The following PLSCR2 variants were observed in gnomAD, a reference collection of about 807,000 sequenced individuals.
The protein encoded by PLSCR2 is PL scramblase 2.
In PLSCR2, 18 loss-of-function variants were observed where a neutral mutation model predicts 25.3. The ratio of observed to expected loss-of-function variants is 0.71; its 90% CI spans 0.49 to 1.06. The LOEUF is 1.06. Among genes scored for constraint, PLSCR2 ranks in the 50% least tolerant of loss-of-function variants. PLSCR2 has a pLI of 0.00. For synonymous variants in PLSCR2, 88 were observed against 87.3 expected (o/e 1.01, Z -0.04); for missense variants, 243 against 269.5 (o/e 0.90, Z 0.69).
At chr3:146,410,246 G>C (rs1283246707) in intron 2 of PLSCR2, among the ~76,000 whole-genome samples, 1 of 152,176 alleles carries the variant, frequency 6.6e-6, no homozygotes, top group Admixed American at 6.5e-5. Flanking sequence ...AGTAGCCACG[G>C]AGGAACAGAG....
exon 9 of PLSCR2, chr3:146,433,485 A>G (rs1171342136): frequency 6.6e-6 from 1 of 152,142 alleles, no homozygotes; most frequent in Non-Finnish European, 1.5e-5. Flanking sequence ...GATCAGTTAT[A>G]GTTTCATTTT....
chr3:146,430,150 T>C (rs2039497258), downstream of PLSCR2, among the ~76,000 whole-genome samples: 4 of 152,180 alleles, frequency 2.6e-5, no homozygotes. Context: ...AAGAGGGCTG[T>C]AGAGCCACCA....
At chr3:146,417,098 T>G (rs1443609346) in intron 2 of PLSCR2, among the ~76,000 whole-genome samples, 1 of 152,140 alleles carries the variant, frequency 6.6e-6, no homozygotes, top group Non-Finnish European at 1.5e-5. Flanking sequence ...TTAGAATGCA[T>G]CTCTATGGAG....
At chr3:146,412,463 C>T (rs190701871) in intron 2 of PLSCR2, among the ~76,000 whole-genome samples, 1 of 152,286 alleles carries the variant, frequency 6.6e-6, no homozygotes, top group East Asian at 1.9e-4. Context: ...CCAGTGCTTA[C>T]CACTCGTGCC....
chr3:146,479,777 A>G lies in PLSCR2; in HGVS notation c.-293+16118T>C, dbSNP rs1157364124. 7.2e-5 allele frequency among the ~76,000 whole-genome samples: 11 copies of G among 152,224 alleles called. 1 individual carries two copies. On this transcript the variant is annotated intron_variant, in intron 1 of 8. Transcript: ENST00000336685. ...GAACTCTCCACCCCAAATCAGTAGA[A>G]TATACATTCTTCTCAGCACCACATT...
chr3:146,479,427 G>T (rs576145297), intron 1 of PLSCR2, among the ~76,000 whole-genome samples: 9 of 152,132 alleles, frequency 5.9e-5, no homozygotes, highest in Admixed American at 2.0e-4. Flanking sequence ...GCAAAACAAA[G>T]CAGGGGTTGG....
intron 1 of PLSCR2, among the ~76,000 whole-genome samples, chr3:146,470,068 T>C (rs1272033290): frequency 6.6e-6 from 1 of 152,084 alleles, no homozygotes; most frequent in African/African-American, 2.4e-5. Flanking sequence ...GCGGTCGAGA[T>C]TATTTTATCT....
At chr3:146,461,932 G>T (rs562343635), upstream of PLSCR2, 67 of 1,483,698 alleles carry the variant, frequency 4.5e-5, no homozygotes, top group East Asian at 1.6e-3. Flanking sequence ...GGAAAACACA[G>T]CTACAAATAA....
At chr3:146,483,509 A>ATATACATGTGTAT (rs1553791539) in intron 1 of PLSCR2, among the ~76,000 whole-genome samples, 1 of 127,066 alleles carries the variant, frequency 7.9e-6, no homozygotes. Flanking sequence ...ATATATATAT[A>ATATACATGTGTAT]ATGTTACTAC....
At chr3:146,469,589 G>A in intron 1 of PLSCR2, 28 bp from the exon 1 acceptor site, 1 of 985,300 alleles carries the variant, frequency 1.0e-6, no homozygotes, top group South Asian at 4.7e-5. Flanking sequence ...CACACCTGTT[G>A]CACAGCCCTC....
chr3:146,423,252 T>C (rs1450017826), intron 2 of PLSCR2, among the ~76,000 whole-genome samples: 1 of 138,424 alleles, frequency 7.2e-6, no homozygotes, highest in Non-Finnish European at 1.6e-5. Context: ...TCTCTCTCTC[T>C]CTCTCTCTCT....
intron 5 of PLSCR2, among the ~76,000 whole-genome samples, chr3:146,453,505 G>T (rs2041018005): frequency 6.6e-6 from 1 of 151,988 alleles, no homozygotes; most frequent in African/African-American, 2.4e-5. Flanking sequence ...TTAAAGAAGA[G>T]ACCACAGAGA....
At chr3:146,414,967 T>C (rs2038964351) in intron 2 of PLSCR2, among the ~76,000 whole-genome samples, 10 of 152,344 alleles carry the variant, frequency 6.6e-5, no homozygotes, top group Middle Eastern at 3.4e-3. Flanking sequence ...TGCATTTACC[T>C]TCTCATTATC....
chr3:146,418,125 G>GA (rs1479826897), intron 2 of PLSCR2, among the ~76,000 whole-genome samples: 2 of 152,086 alleles, frequency 1.3e-5, no homozygotes, highest in African/African-American at 2.4e-5. Context: ...AATTATGTTT[G>GA]AAAAATACCT....
chr3:146,490,783 G>A (rs539422316), intron 1 of PLSCR2, among the ~76,000 whole-genome samples: 2 of 152,152 alleles, frequency 1.3e-5, no homozygotes, highest in East Asian at 1.9e-4. Context: ...ATATGGTTGG[G>A]TCTTGCTTCT....
At chr3:146,454,068 T>C in exon 5 of PLSCR2, 1 of 1,610,684 alleles carries the variant, frequency 6.2e-7, no homozygotes, top group African/African-American at 1.3e-5. Flanking sequence ...GTACATCCTC[T>C]CTTTTCTGAT....
At chr3:146,473,550 C>G (rs1286412178) in intron 1 of PLSCR2, among the ~76,000 whole-genome samples, 1 of 152,082 alleles carries the variant, frequency 6.6e-6, no homozygotes, top group Non-Finnish European at 1.5e-5. Flanking sequence ...AGGTGATCCA[C>G]CCACCTCGAC....
chr3:146,449,028 C>T (rs111645367), intron 6 of PLSCR2, among the ~76,000 whole-genome samples, 178 bp downstream of exon 6: 1 of 152,042 alleles, frequency 6.6e-6, no homozygotes, highest in Non-Finnish European at 1.5e-5. Flanking sequence ...CATAAACTAA[C>T]CACCTATAAA....
intron 2 of PLSCR2, among the ~76,000 whole-genome samples, chr3:146,397,405 G>C (rs910291801): frequency 6.6e-6 from 1 of 152,024 alleles, no homozygotes; most frequent in Non-Finnish European, 1.5e-5. Flanking sequence ...TTTTGTACCT[G>C]AGATGAACAC....
Sources: allele counts gnomAD v4.1 joint callset (sites outside exome capture counted in the v4.1 genomes callset), GRCh38; gene constraint gnomAD v4.1.1; transcripts MANE v1.5; gene names NCBI Gene and HGNC (gene_info 2026-07-23, HGNC 2026-07-21).